The following AGAP2 variants were observed in gnomAD, a reference collection of about 807,000 sequenced individuals.
The protein encoded by AGAP2 is arf-GAP with GTPase, ANK repeat and PH domain-containing protein 2.
AGAP2 carries 32 observed loss-of-function variants against 110.9 expected under a neutral mutation model. The ratio of observed to expected loss-of-function variants is 0.29; its 90% CI spans 0.22 to 0.39. AGAP2 has a LOEUF of 0.39. Ranked by LOEUF, AGAP2 falls within the 10% of genes least tolerant of loss-of-function variation. AGAP2 has a pLI of 1.00. For synonymous variants in AGAP2, 702 were observed against 713.0 expected, an observed-to-expected ratio of 0.98 and a Z score of 0.25; for missense variants, 1,285 against 1,638.5, an observed-to-expected ratio of 0.78 and a Z score of 3.72.
intron 12 of AGAP2, 192 bp downstream of exon 12, chr12:57,730,303 G>T: frequency 1.2e-6 from 1 of 815,180 alleles, no homozygotes; most frequent in Non-Finnish European, 1.9e-6. Flanking sequence ...TCAAGCTCAG[G>T]CAGTTGACGT....
At position 57,727,744 on chromosome 12, in the gene AGAP2, C is replaced by T. The variant is rs542123182; in HGVS notation, c.2794G>A (p.Val932Met). The change falls in exon 16 of 19, where the codon GTG (valine) becomes ATG (methionine). Residue 932 changes from valine (V) to methionine (M), a missense_variant. Transcript: ENST00000547588. Reference sequence around the variant, plus strand: ...GCGTTCCGGATCGCCTGGATGGCCACGGCCTCGCTTTGGCTGTCTGTGCGC... The same window carrying T: ...GCGTTCCGGATCGCCTGGATGGCCATGGCCTCGCTTTGGCTGTCTGTGCGC... Reference protein sequence around the residue: ...KLRTDSQSEAVAIQAIRNAKG... With the variant: ...KLRTDSQSEAMAIQAIRNAKG... The T allele has an allele frequency of 1.4e-5, 22 of 1,589,232 alleles. No homozygotes were observed. In the South Asian group the frequency reaches 2.3e-4, roughly 17 times the overall value.
Position 57,737,767 on chromosome 12 carries a change from G to T in AGAP2, c.480C>A (p.Gly160=). ...GAGAGGATGAGCCAGGGATGCCGCC[G>T]CCCGCCCGGCCTTCGGGCTCCGGGC... The part of the protein sequence containing the change: ...WGGPEPEGRA[G]GGIPGSSSPH... The change falls in exon 1 of 19, where the codon GGC becomes GGA. Residue 160 remains glycine, a synonymous_variant. Coordinates refer to ENST00000547588, the MANE Select transcript of AGAP2 (RefSeq NM_001122772.3). This position sits in a 1 kb window ranked among gnomAD's most constrained non-coding sequence, Gnocchi z 5.9. 2 of 1,533,242 alleles carry T rather than the reference G, an allele frequency of 1.3e-6. No individual in the cohort carries two copies. Among genetic ancestry groups the T allele is most frequent in the Non-Finnish European group, 1.7e-6 (2 of 1,145,786 alleles). The allele number at this position is 1,533,242 out of a possible 1,614,324, so 95.0% of individuals were successfully genotyped here.
At chr12:57,728,161 T>A in intron 14 of AGAP2, 76 bp from the exon 15 acceptor site, 1 of 1,543,702 alleles carries the variant, frequency 6.5e-7, no homozygotes, top group Non-Finnish European at 8.8e-7. Flanking sequence ...CCGTCCTCCC[T>A]GATGTCCATC....
chr12:57,733,165 C>T (rs1954919004), intron 5 of AGAP2, among the ~76,000 whole-genome samples, 186 bp from the exon 6 acceptor site: 1 of 151,830 alleles, frequency 6.6e-6, no homozygotes, highest in South Asian at 2.1e-4. Context: ...GGGCCCAGTT[C>T]ACACACCTAG....
intron 10 of AGAP2, among the ~76,000 whole-genome samples, 177 bp downstream of exon 10, chr12:57,731,189 T>C (rs1298319806): frequency 1.3e-5 from 2 of 152,158 alleles, no homozygotes; most frequent in African/African-American, 4.8e-5. Context: ...GGCAATGTAT[T>C]TACCTTTACA....
rs1391652324 is a variant in AGAP2, at chr12:57,734,090, C to T, written c.1485G>A (p.Gly495=). 6.2e-7 allele frequency: 1 copy of T among 1,613,706 alleles called. No homozygotes were observed. The highest frequency in any genetic ancestry group is 2.2e-5 in the East Asian group (1 of 44,876). The change falls in exon 5 of 19, where the codon GGG becomes GGA. Residue 495 remains glycine (G), a synonymous_variant. Transcript: ENST00000547588. ...CCTCCCCGCGAAGGGAACTCAGCTG[C>T]CCATGGAGACGGCTCACAGCCTGGA... ...NSFQAVSRLH[G]QLSSLRGEGR... is the part of the protein sequence containing the mutation.
upstream of AGAP2, among the ~76,000 whole-genome samples, chr12:57,741,387 T>C (rs1043370520): frequency 6.6e-6 from 1 of 152,068 alleles, no homozygotes; most frequent in Admixed American, 6.5e-5. Flanking sequence ...CAGAGCATAG[T>C]GTGTGAGAGT....
rs1954946051 is a variant in AGAP2 at position 57,734,599 on chromosome 12, C to T, written c.1308G>A (p.Lys436=). The change falls in exon 3 of 19, where the codon AAG becomes AAA. Residue 436 remains lysine, a synonymous_variant. Transcript: ENST00000547588. ...TGGCTCTTCAGAACTCACTCTCTGT[C>T]TTCTCCAGCACCTGGTATGAGCCAG... ...FLTGSYQVLE[K]TESEQYKKEM... is the part of the protein sequence containing the mutation. 3 of 1,614,180 alleles carry T rather than the reference C, an allele frequency of 1.9e-6. No individual in the cohort carries two copies. The highest frequency in any genetic ancestry group is 3.3e-4 in the Middle Eastern group (2 of 6,062).
intron 5 of AGAP2, among the ~76,000 whole-genome samples, chr12:57,733,562 G>T (rs1954925931): frequency 6.6e-6 from 1 of 152,146 alleles, no homozygotes; most frequent in African/African-American, 2.4e-5. Flanking sequence ...AGAACTAAAA[G>T]GTTTTCTGCT....
chr12:57,737,602 G>A lies in AGAP2; in HGVS notation c.645C>T (p.Ser215=), dbSNP rs1395458350. 1.3e-6 allele frequency: 2 copies of A among 1,547,866 alleles called. No homozygotes were observed. The highest frequency in any genetic ancestry group is 8.7e-7 in the Non-Finnish European group (1 of 1,146,828). The part of the protein sequence containing the change: ...GAGSRLSWPE[S]EGKPRVKGSK... ...ACCCCTTGACCCTGGGCTTGCCCTC[G>A]CTTTCGGGCCATGACAGGCGGCTAC... The change falls in exon 1 of 19, where the codon AGC becomes AGT. Residue 215 remains serine (S), a synonymous_variant. Coordinates refer to ENST00000547588, the MANE Select transcript of AGAP2 (RefSeq NM_001122772.3). The surrounding 1 kb of genome is among the most constrained non-coding windows in gnomAD (Gnocchi z 5.9).
chr12:57,731,273 A>G (rs1028414938), intron 10 of AGAP2, 93 bp downstream of exon 10: 18 of 1,090,706 alleles, frequency 1.7e-5, no homozygotes, highest in Non-Finnish European at 2.2e-5. Context: ...AGCACTTCCT[A>G]GAAATGAGGT....
rs1954947668 is a variant in AGAP2 at position 57,734,671 on chromosome 12, C to T, written c.1236G>A (p.Leu412=). The change falls in exon 3 of 19, where the codon CTG becomes CTA. Residue 412 remains leucine, a synonymous_variant. Coordinates refer to ENST00000547588, the MANE Select transcript of AGAP2 (RefSeq NM_001122772.3). ...RSIPELRLGV[L]GDARSGKSSL... is the part of the protein sequence containing the mutation. Reference sequence around the variant, plus strand: ...ATGACTTCCCACTCCTGGCATCGCCCAGCACACCCTGAGGGCAAGGTTGTG... The same window carrying T: ...ATGACTTCCCACTCCTGGCATCGCCTAGCACACCCTGAGGGCAAGGTTGTG... 20 of 1,613,988 alleles carry T rather than the reference C, an allele frequency of 1.2e-5. No homozygotes were observed. Among genetic ancestry groups the T allele is most frequent in the Non-Finnish European group, 1.6e-5 (19 of 1,180,026 alleles).
intron 4 of AGAP2, 36 bp downstream of exon 4, chr12:57,734,283 C>A: frequency 1.9e-6 from 3 of 1,613,700 alleles, no homozygotes; most frequent in Non-Finnish European, 2.5e-6. Flanking sequence ...CAGTGCTGAC[C>A]CCAGCCAGCC....
upstream of AGAP2, chr12:57,742,071 T>G: frequency 1.2e-6 from 2 of 1,613,920 alleles, no homozygotes; most frequent in Non-Finnish European, 1.7e-6. Context: ...TGGGCATGCA[T>G]GTTGCCCAGA....
At chr12:57,735,519 A>C (rs1595092660) in intron 1 of AGAP2, 92 bp from the exon 2 acceptor site, 3 of 1,046,770 alleles carry the variant, frequency 2.9e-6, no homozygotes, top group East Asian at 3.0e-5. Context: ...CAGCTTTCCA[A>C]CCCCCCCCCA....
At position 57,727,233 on chromosome 12, in the gene AGAP2, C is replaced by A. The variant is rs371678459; in HGVS notation, c.3081-4G>T. 4.7e-5 allele frequency: 76 copies of A among 1,612,530 alleles called. No individual in the cohort carries two copies. In the African/African-American group the frequency reaches 9.5e-4, roughly 20 times the overall value. ...AATCCACGACTCGCGCTCCTCCCTGCAAGACCAGGGATCAACGGAAAAGGC... is the reference window on the plus strand; with the variant it reads ...AATCCACGACTCGCGCTCCTCCCTGAAAGACCAGGGATCAACGGAAAAGGC... On this transcript the variant is annotated splice_region_variant and splice_polypyrimidine_tract_variant and intron_variant, in intron 17 of 18. Transcript: ENST00000547588.
At chr12:57,736,126 G>A (rs1018589103) in intron 1 of AGAP2, among the ~76,000 whole-genome samples, 3 of 150,930 alleles carry the variant, frequency 2.0e-5, no homozygotes, top group Non-Finnish European at 4.4e-5. Context: ...GCCTGACACC[G>A]GCCGGACGTT....
upstream of AGAP2, chr12:57,742,025 A>C (rs1595100527): frequency 6.2e-7 from 1 of 1,613,936 alleles, no homozygotes; most frequent in Non-Finnish European, 8.5e-7. Context: ...ATGTCGTCTG[A>C]CTTCTGCTCT....
In AGAP2 at chr12:57,726,778, G is replaced by C. The variant is rs1437468647; in HGVS notation, c.3353C>G (p.Ala1118Gly). The C allele has an allele frequency of 4.4e-6, 6 of 1,360,320 alleles. No individual in the cohort carries two copies. The highest frequency in any genetic ancestry group is 5.7e-6 in the Non-Finnish European group (6 of 1,061,790). The allele number at this position is 1,360,320 out of a possible 1,614,324, so 84.3% of individuals were successfully genotyped here. Residue 1118 changes from alanine to glycine, a missense_variant, in exon 19 of 19, where the codon GCG (alanine) becomes GGG (glycine). Physicochemically the swap from Ala to Gly is moderately conservative, Grantham distance 60 (BLOSUM62 0). This residue lies in a region of AGAP2 where 201 missense variants were observed against 276.1 expected (regional missense o/e 0.73). Transcript: ENST00000547588. This position sits in a 1 kb window ranked among gnomAD's most constrained non-coding sequence, Gnocchi z 5.7. ...CGTGCGGCCCTGGGCGTCACGGGCC[G>C]CCACGTCCGCGCCGTACTAGAGGGC... ...QLLLWYGADVAARDAQGRTAL... is the reference protein window; with the variant it reads ...QLLLWYGADVGARDAQGRTAL...
Sources: allele counts gnomAD v4.1 joint callset (sites outside exome capture counted in the v4.1 genomes callset), GRCh38; gene constraint gnomAD v4.1.1; regional missense constraint gnomAD v4.1.1; non-coding constraint Gnocchi (gnomAD v3.1); transcripts MANE v1.5; gene names NCBI Gene and HGNC (gene_info 2026-07-23, HGNC 2026-07-21).